NRXN3: variants seen among roughly 807,000 people sequenced by gnomAD.
The protein encoded by NRXN3 is neurexin 3, also known as neurexin III.
In NRXN3, 32 loss-of-function variants were observed where a neutral mutation model predicts 137.6. The ratio of observed to expected loss-of-function variants is 0.23; its 90% CI spans 0.18 to 0.31. The LOEUF is 0.31. Ranked by LOEUF, NRXN3 falls within the 10% of genes least tolerant of loss-of-function variation. The pLI is 1.00. For missense variants in NRXN3, 1,574 were observed against 2,062.5 expected (o/e 0.76, Z 4.59); for synonymous variants, 798 against 784.5 (o/e 1.02, Z -0.29).
intron 4 of NRXN3, among the ~76,000 whole-genome samples, chr14:78,475,111 G>A (rs2095355378): frequency 2.0e-5 from 3 of 152,272 alleles, no homozygotes; most frequent in Admixed American, 6.5e-5. Context: ...CGATAGAGTG[G>A]GTGACATATA....
At chr14:78,419,988 T>C (rs943768686) in intron 4 of NRXN3, among the ~76,000 whole-genome samples, 44 of 114,148 alleles carry the variant, frequency 3.9e-4, no homozygotes, top group Non-Finnish European at 5.7e-4. Context: ...CACACACACG[T>C]AAAGTCCTGA....
intron 15 of NRXN3, among the ~76,000 whole-genome samples, chr14:79,149,749 C>G (rs558996978): frequency 6.6e-6 from 1 of 152,056 alleles, no homozygotes; most frequent in African/African-American, 2.4e-5. Flanking sequence ...AGCAAACCAA[C>G]GCAGGAACAG....
chr14:78,842,751 A>C (rs1373430672), intron 10 of NRXN3, among the ~76,000 whole-genome samples: 1 of 152,114 alleles, frequency 6.6e-6, no homozygotes, highest in Non-Finnish European at 1.5e-5. Flanking sequence ...TCAGAGGCCT[A>C]CCCTCAGGGA....
chr14:79,428,580 C>A (rs563306518), intron 15 of NRXN3, among the ~76,000 whole-genome samples: 1 of 152,004 alleles, frequency 6.6e-6, no homozygotes, highest in South Asian at 2.1e-4. Flanking sequence ...TAAGTTTTTT[C>A]TTACATATAT....
chr14:79,731,269 T>G (rs1341294468), intron 19 of NRXN3, among the ~76,000 whole-genome samples: 2 of 152,218 alleles, frequency 1.3e-5, no homozygotes, highest in East Asian at 3.8e-4. Context: ...CGGAGATAAC[T>G]TCATAAATTG....
intron 15 of NRXN3, among the ~76,000 whole-genome samples, chr14:79,348,378 C>CTCTCT (rs535595782): frequency 1.5e-5 from 2 of 135,974 alleles, no homozygotes; most frequent in African/African-American, 5.8e-5. Flanking sequence ...AATCTTCTCT[C>CTCTCT]TTTTTTTTTT....
intron 1 of NRXN3, among the ~76,000 whole-genome samples, chr14:78,173,199 C>T (rs1235447060): frequency 4.0e-5 from 6 of 151,772 alleles, no homozygotes; most frequent in Admixed American, 2.0e-4. Flanking sequence ...TGGAAGTCAC[C>T]GGTTTGCAGA....
At chr14:79,732,774 A>T (rs1455911025) in intron 19 of NRXN3, among the ~76,000 whole-genome samples, 2 of 152,156 alleles carry the variant, frequency 1.3e-5, no homozygotes, top group Non-Finnish European at 2.9e-5. Flanking sequence ...TATATGAGAA[A>T]AATTAGGAAC....
rs193233563 is a variant in NRXN3 at position 78,651,442 on chromosome 14, G to A, written c.1221+116G>A. On this transcript the variant is annotated intron_variant, in intron 6 of 20. Transcript: ENST00000335750. ...CAAATCTATGAGATGATAGATTGCA[G>A]CAGAAACAACCTTGAACTTGGAAGT... 2,797 of 1,202,144 alleles carry A rather than the reference G, an allele frequency of 2.3e-3. 5 individuals are homozygous for A. The highest frequency in any genetic ancestry group is 3.7e-3 in the Admixed American group (153 of 41,218). The allele number at this position is 1,202,144 out of a possible 1,614,324, so 74.5% of individuals were successfully genotyped here. A position where few individuals can be genotyped will look rare whatever the true frequency, so the allele number is the denominator to read the frequency against.
intron 19 of NRXN3, among the ~76,000 whole-genome samples, chr14:79,726,845 T>A (rs72696796): frequency 1.3e-5 from 2 of 151,994 alleles, no homozygotes; most frequent in South Asian, 4.1e-4. Context: ...CAGTTTTATT[T>A]TTGTGACTCT....
chr14:79,234,760 A>G (rs771086528), intron 15 of NRXN3, among the ~76,000 whole-genome samples: 14 of 152,012 alleles, frequency 9.2e-5, no homozygotes, highest in Admixed American at 2.6e-4. Flanking sequence ...TATTAAGTAC[A>G]TCTTTTAATA....
At chr14:79,122,607 G>A (rs1372269460) in intron 15 of NRXN3, among the ~76,000 whole-genome samples, 1 of 152,228 alleles carries the variant, frequency 6.6e-6, no homozygotes, top group Non-Finnish European at 1.5e-5. Context: ...CCCAGTATTA[G>A]TGTAAGTGGG....
intron 1 of NRXN3, among the ~76,000 whole-genome samples, chr14:78,190,541 A>T (rs1376374229): frequency 6.6e-6 from 1 of 152,234 alleles, no homozygotes; most frequent in South Asian, 2.1e-4. Context: ...CAGAATGACA[A>T]TGACAACCAG....
chr14:79,221,508 T>C (rs894842066), intron 15 of NRXN3, among the ~76,000 whole-genome samples: 3 of 151,850 alleles, frequency 2.0e-5, no homozygotes, highest in Admixed American at 1.3e-4. Flanking sequence ...TGACCAGTGA[T>C]GATGAGCATT....
intron 8 of NRXN3, among the ~76,000 whole-genome samples, chr14:78,727,156 A>G (rs1231575980): frequency 6.6e-6 from 1 of 152,050 alleles, no homozygotes. Context: ...GTTCTCACCT[A>G]TTGTGGTTTT....
intron 14 of NRXN3, among the ~76,000 whole-genome samples, chr14:78,969,130 T>A (rs563233333): frequency 1.3e-4 from 20 of 152,242 alleles, no homozygotes; most frequent in Non-Finnish European, 2.8e-4. Flanking sequence ...GTAGGCTTAT[T>A]GTTTACAAAT....
At chr14:78,290,460 G>C (rs1020589266) in intron 3 of NRXN3, among the ~76,000 whole-genome samples, 9 of 152,106 alleles carry the variant, frequency 5.9e-5, no homozygotes, top group Non-Finnish European at 2.9e-5. Context: ...GAAGGTCAGG[G>C]AATTACTCAG....
chr14:79,103,215 G>A (rs2051691990), intron 15 of NRXN3, among the ~76,000 whole-genome samples: 1 of 152,122 alleles, frequency 6.6e-6, no homozygotes, highest in African/African-American at 2.4e-5. Context: ...GACTTTAGAG[G>A]TTATATGCAG....
intron 15 of NRXN3, among the ~76,000 whole-genome samples, chr14:79,443,428 T>C (rs539482272): frequency 7.8e-4 from 119 of 152,324 alleles, no homozygotes; most frequent in African/African-American, 2.6e-3. Flanking sequence ...ATACATGCTT[T>C]ATAAATGATG....
Sources: gnomAD v4.1 joint callset for allele counts (sites outside exome capture counted in the v4.1 genomes callset) on GRCh38, gnomAD v4.1.1 for gene constraint, MANE v1.5 for transcripts, NCBI Gene and HGNC (gene_info 2026-07-23, HGNC 2026-07-21) for gene names.